MAD1L1: variants seen among roughly 807,000 people sequenced by gnomAD.
MAD1L1 encodes mitotic spindle assembly checkpoint protein MAD1.
Under a neutral mutation model 96.9 loss-of-function variants are expected in MAD1L1, and 95 were observed. That is an observed-to-expected ratio of 0.98 (90% confidence interval 0.83 to 1.16). MAD1L1 has a LOEUF of 1.16. MAD1L1 is among the 50% of genes most tolerant of loss of function. MAD1L1 has a pLI of 0.00. For missense variants in MAD1L1, 1,007 were observed against 954.4 expected, an observed-to-expected ratio of 1.06 and a Z score of -0.73; for synonymous variants, 473 against 396.6, an observed-to-expected ratio of 1.19 and a Z score of -2.29.
chr7:2,089,679 AC>A (rs1473453943), intron 11 of MAD1L1, among the ~76,000 whole-genome samples: 1 of 130,080 alleles, frequency 7.7e-6, no homozygotes, highest in Non-Finnish European at 1.6e-5. Flanking sequence ...CCACACGCCC[AC>A]CCCATCACGT....
At chr7:2,076,167 C>T (rs1056687888) in intron 11 of MAD1L1, among the ~76,000 whole-genome samples, 60 of 152,182 alleles carry the variant, frequency 3.9e-4, no homozygotes, top group African/African-American at 1.4e-3. Flanking sequence ...GACGCCTCCA[C>T]AGCCACGCCC....
In MAD1L1 at chr7:2,019,948, G is replaced by T. The variant is rs1008903321; in HGVS notation, c.1219-5306C>A. Among the ~76,000 whole-genome samples, 10 of 152,334 alleles carry T rather than the reference G, an allele frequency of 6.6e-5. No individual in the cohort carries two copies. The East Asian group carries it at 1.7e-3, about 26-fold the overall frequency. On this transcript the variant is annotated intron_variant, in intron 12 of 18. Transcript: ENST00000265854. Reference sequence around the variant, plus strand: ...ACTGTTTTCAAGTATGATTCACTCAGGCAGATTTTAATTGGTGACATCAGC... The same window carrying T: ...ACTGTTTTCAAGTATGATTCACTCATGCAGATTTTAATTGGTGACATCAGC...
intron 3 of MAD1L1, among the ~76,000 whole-genome samples, chr7:2,228,178 TG>T (rs144470452): frequency 0.015 from 2,201 of 151,560 alleles, 60 homozygotes; most frequent in African/African-American, 0.05. Context: ...CAGTGAGCAC[TG>T]GGGGCCTCCG....
At chr7:1,837,152 A>G (rs1456616851) in intron 18 of MAD1L1, among the ~76,000 whole-genome samples, 1 of 152,232 alleles carries the variant, frequency 6.6e-6, no homozygotes, top group Non-Finnish European at 1.5e-5. Context: ...TAATTAGCAG[A>G]AGATGTGAAC....
At chr7:2,155,551 G>T (rs922379660) in intron 10 of MAD1L1, among the ~76,000 whole-genome samples, 2 of 152,136 alleles carry the variant, frequency 1.3e-5, no homozygotes, top group Admixed American at 1.3e-4. Context: ...CACATGAGTG[G>T]AGCCATAGAG....
intron 12 of MAD1L1, among the ~76,000 whole-genome samples, chr7:2,055,130 C>T (rs1784335257): frequency 6.6e-6 from 1 of 152,178 alleles, no homozygotes. Context: ...ACTAGGCAGG[C>T]AGCACAGCGA....
chr7:2,213,283 C>A lies in MAD1L1; in HGVS notation c.925-10G>T. ...GCTTGGCCAGCAGCCTCTGAAAAGA[C>A]AACAAAAGCACAGACCCTGTCATCA... On this transcript the variant is annotated splice_polypyrimidine_tract_variant and intron_variant, in intron 9 of 18. Coordinates refer to ENST00000265854, the MANE Select transcript of MAD1L1 (RefSeq NM_001013836.2). The A allele has an allele frequency of 6.2e-7, 1 of 1,613,896 alleles. No individual in the cohort carries two copies. Among genetic ancestry groups the A allele is most frequent in the Non-Finnish European group, 8.5e-7 (1 of 1,179,828 alleles).
At chr7:2,219,618 G>A (rs1390736903) in intron 5 of MAD1L1, among the ~76,000 whole-genome samples, 162 bp from the exon 6 acceptor site, 1 of 145,572 alleles carries the variant, frequency 6.9e-6, no homozygotes, top group Non-Finnish European at 1.5e-5. Flanking sequence ...AGGGGCATCG[G>A]GCAGAGGGGT....
chr7:1,828,559 C>T (rs562830057), intron 18 of MAD1L1, among the ~76,000 whole-genome samples: 3 of 152,238 alleles, frequency 2.0e-5, no homozygotes, highest in Non-Finnish European at 4.4e-5. Context: ...ATGGACACCC[C>T]GCAGCAAGGG....
intron 17 of MAD1L1, among the ~76,000 whole-genome samples, chr7:1,927,065 T>G (rs1789129133): frequency 1.3e-5 from 2 of 151,930 alleles, no homozygotes; most frequent in Non-Finnish European, 2.9e-5. Flanking sequence ...ACATCCGTCA[T>G]ACATCTACAC....
rs551754391 is a variant in MAD1L1 at position 1,903,481 on chromosome 7, G to A, written c.1808-5091C>T. On this transcript the variant is annotated intron_variant, in intron 17 of 18. Transcript: ENST00000265854. ...AGTGGGCTACTGAAGACGCTCTTGCGGAACTCAAGATTGATCAAGCACTGT... is the reference window on the plus strand; with the variant it reads ...AGTGGGCTACTGAAGACGCTCTTGCAGAACTCAAGATTGATCAAGCACTGT... 3.7e-4 allele frequency among the ~76,000 whole-genome samples: 51 copies of A among 138,796 alleles called. 2 individuals carry two copies. The highest frequency in any genetic ancestry group is 2.1e-3 in the Admixed American group (30 of 14,080). 91.1% of individuals were successfully genotyped at this position (138,796 alleles called of 152,430 possible).
intron 12 of MAD1L1, among the ~76,000 whole-genome samples, chr7:2,039,697 G>A (rs1386328855): frequency 1.3e-5 from 2 of 152,080 alleles, no homozygotes; most frequent in African/African-American, 4.8e-5. Flanking sequence ...TGCTAATTAG[G>A]TGTGTCTGTT....
At chr7:1,888,655 CAT>C (rs1416475827) in intron 18 of MAD1L1, among the ~76,000 whole-genome samples, 1 of 151,444 alleles carries the variant, frequency 6.6e-6, no homozygotes, top group African/African-American at 2.4e-5. Flanking sequence ...TGTGTGCGCG[CAT>C]GTGTGTATGT....
chr7:1,869,775 A>G lies in MAD1L1; in HGVS notation c.1998+28425T>C, dbSNP rs141791146. On this transcript the variant is annotated intron_variant, in intron 18 of 18. Transcript: ENST00000265854. The stretch of plus-strand genomic sequence containing the variant: ...ATCACGTGCGTGGGCTCCATGGAAC[A>G]CATCACGACTGTCCCTGCAGGAGGT... Among the ~76,000 whole-genome samples, 606 of 152,242 alleles carry G rather than the reference A, an allele frequency of 4.0e-3. 2 individuals are homozygous for G. The highest frequency in any genetic ancestry group is 6.6e-3 in the Non-Finnish European group (448 of 67,996).
chr7:2,166,718 G>C (rs1790446311), intron 10 of MAD1L1, among the ~76,000 whole-genome samples: 1 of 152,250 alleles, frequency 6.6e-6, no homozygotes, highest in African/African-American at 2.4e-5. Flanking sequence ...GCCTGAGGCT[G>C]TGACAGCGTG....
intron 7 of MAD1L1, 60 bp downstream of exon 7, chr7:2,217,902 G>T: frequency 7.1e-7 from 1 of 1,414,624 alleles, no homozygotes; most frequent in South Asian, 1.1e-5. Flanking sequence ...GGCCGACAGG[G>T]GCAGGAGAGT....
chr7:2,195,271 TA>T (rs1791928255), intron 10 of MAD1L1, among the ~76,000 whole-genome samples: 1 of 152,214 alleles, frequency 6.6e-6, no homozygotes, highest in Admixed American at 6.5e-5. Context: ...CTCAGTCTAC[TA>T]AAAATACCTA....
chr7:2,060,187 A>G (rs1407813617), intron 12 of MAD1L1, among the ~76,000 whole-genome samples: 16 of 129,800 alleles, frequency 1.2e-4, no homozygotes, highest in Admixed American at 3.1e-4. Flanking sequence ...GCCGAGATAC[A>G]CCGATGCCAA....
chr7:2,232,711 A>G (rs1794271509), intron 1 of MAD1L1, among the ~76,000 whole-genome samples, 161 bp downstream of exon 1: 1 of 151,990 alleles, frequency 6.6e-6, no homozygotes, highest in African/African-American at 2.4e-5. Context: ...GAGCGCGCCC[A>G]TGGGAGACGG....
Sources: allele counts gnomAD v4.1 joint callset (sites outside exome capture counted in the v4.1 genomes callset), GRCh38; gene constraint gnomAD v4.1.1; transcripts MANE v1.5; gene names NCBI Gene and HGNC (gene_info 2026-07-23, HGNC 2026-07-21).